Variants in CKAP2L observed in about 807,000 individuals in gnomAD.
CKAP2L encodes the protein cytoskeleton associated protein 2L.
Under a neutral mutation model 65.7 loss-of-function variants are expected in CKAP2L, and 42 were observed. The observed-to-expected ratio is 0.64, with a 90% CI of 0.50 to 0.83. CKAP2L has a LOEUF of 0.83. CKAP2L is among the 40% of genes least tolerant of loss of function. CKAP2L has a pLI of 0.00. For missense variants in CKAP2L, 908 were observed against 871.0 expected (o/e 1.04, Z -0.53); for synonymous variants, 325 against 313.5 (o/e 1.04, Z -0.39).
At position 112,736,893 on chromosome 2, in the gene CKAP2L, C is replaced by T. The variant is rs1364736529; in HGVS notation, c.*1930G>A. The stretch of plus-strand genomic sequence containing the variant: ...CTATTGAGAATAACACTGCCACAAA[C>T]ATGTGAGTGCAGATATCTTTATGAG... On this transcript the variant is annotated 3_prime_UTR_variant, in exon 9 of 9. Coordinates refer to ENST00000302450, the MANE Select transcript of CKAP2L (RefSeq NM_152515.5). 6.6e-6 allele frequency: 1 copy of T among 152,056 alleles called. No homozygotes were observed. The highest frequency in any genetic ancestry group is 2.4e-5 in the African/African-American group (1 of 41,392). 9.4% of individuals were successfully genotyped at this position (152,056 alleles called of 1,614,324 possible).
intron 5 of CKAP2L, among the ~76,000 whole-genome samples, chr2:112,749,309 T>C (rs965515923): frequency 2.6e-5 from 4 of 152,158 alleles, no homozygotes; most frequent in Non-Finnish European, 5.9e-5. Context: ...AAGCAAGTCA[T>C]GAATCTTTCT....
At chr2:112,747,080 T>C (rs1186239221) in intron 5 of CKAP2L, among the ~76,000 whole-genome samples, 1 of 142,092 alleles carries the variant, frequency 7.0e-6, no homozygotes, top group Non-Finnish European at 1.5e-5. Flanking sequence ...TGAGCCACCA[T>C]GCCTGGCTTA....
Position 112,764,601 on chromosome 2 carries a change from C to G in CKAP2L, c.-3G>C. ...GCGGTAGGCCCGGGCCCCACCATGA[C>G]TCTTCAGTGACAGTTTTTCTTCAAA... is the stretch of plus-strand genomic sequence containing the variant. On this transcript the variant is annotated 5_prime_UTR_variant, in exon 1 of 9. Transcript: ENST00000302450. 3 of 1,614,226 alleles carry G rather than the reference C, an allele frequency of 1.9e-6. No homozygotes were observed. Among genetic ancestry groups the G allele is most frequent in the Non-Finnish European group, 2.5e-6 (3 of 1,180,020 alleles).
intron 6 of CKAP2L, among the ~76,000 whole-genome samples, chr2:112,743,340 T>C (rs1473388654): frequency 5.9e-5 from 9 of 152,034 alleles, no homozygotes; most frequent in Admixed American, 5.9e-4. Context: ...GATGGGGTTT[T>C]ACCGTGTTAG....
intron 2 of CKAP2L, among the ~76,000 whole-genome samples, 185 bp downstream of exon 2, chr2:112,762,318 A>T (rs1249905995): frequency 6.6e-6 from 1 of 152,252 alleles, no homozygotes; most frequent in Non-Finnish European, 1.5e-5. Context: ...AAGCTTTGCC[A>T]ATGGACTAAG....
At chr2:112,759,424 T>C (rs952486142) in intron 3 of CKAP2L, among the ~76,000 whole-genome samples, 2 of 152,244 alleles carry the variant, frequency 1.3e-5, no homozygotes, top group African/African-American at 4.8e-5. Flanking sequence ...ATCGTGCTTT[T>C]AGTTTCTCCT....
chr2:112,755,485 G>A (rs1680501732), intron 4 of CKAP2L, among the ~76,000 whole-genome samples: 2 of 152,046 alleles, frequency 1.3e-5, no homozygotes, highest in African/African-American at 4.8e-5. Context: ...TGAACTGACT[G>A]CTCCTGCTTG....
chr2:112,750,986 T>C (rs953049672), intron 5 of CKAP2L, among the ~76,000 whole-genome samples: 3 of 152,034 alleles, frequency 2.0e-5, no homozygotes, highest in Non-Finnish European at 4.4e-5. Flanking sequence ...TTTAAAAAGA[T>C]TGAGAAAAAA....
intron 3 of CKAP2L, 147 bp downstream of exon 3, chr2:112,760,566 G>T: frequency 2.0e-6 from 1 of 504,460 alleles, no homozygotes; most frequent in Non-Finnish European, 3.5e-6. Context: ...TTCAAAAAAT[G>T]ATTGTCTCTT....
intron 6 of CKAP2L, among the ~76,000 whole-genome samples, chr2:112,745,739 T>C (rs1680182318): frequency 6.6e-6 from 1 of 152,138 alleles, no homozygotes; most frequent in Non-Finnish European, 1.5e-5. Context: ...AGAATTTCCA[T>C]GACTCTAATG....
At chr2:112,740,373 A>G (rs17042312) in intron 8 of CKAP2L, among the ~76,000 whole-genome samples, 4,985 of 152,310 alleles carry the variant, frequency 0.033, 275 homozygotes, top group African/African-American at 0.11. Flanking sequence ...GCCCTGACAT[A>G]GCTCCTTAAA....
intron 3 of CKAP2L, among the ~76,000 whole-genome samples, chr2:112,758,342 T>C (rs1435769844): frequency 2.0e-5 from 3 of 152,232 alleles, no homozygotes; most frequent in Non-Finnish European, 4.4e-5. Context: ...CAGAGATTTA[T>C]GGAATATGTT....
chr2:112,752,076 T>G (rs181908947), intron 5 of CKAP2L, among the ~76,000 whole-genome samples, 191 bp downstream of exon 5: 18 of 152,336 alleles, frequency 1.2e-4, no homozygotes, highest in African/African-American at 4.3e-4. Context: ...CTTAGCTAAG[T>G]GCTTATAAAA....
chr2:112,751,541 T>C (rs1680373421), intron 5 of CKAP2L, among the ~76,000 whole-genome samples: 1 of 152,154 alleles, frequency 6.6e-6, no homozygotes, highest in Non-Finnish European at 1.5e-5. Context: ...AAAAAGAGGA[T>C]AAGAAAAAGA....
At position 112,754,418 on chromosome 2, in the gene CKAP2L, G is replaced by A. The variant is rs559098143; in HGVS notation, c.1394+1559C>T. The stretch of plus-strand genomic sequence containing the variant: ...TTGATGATACAAGGTGAGACATTTG[G>A]CATGTGCTTCCTCCATGTTCCTAGC... On this transcript the variant is annotated intron_variant, in intron 4 of 8. Coordinates refer to ENST00000302450, the MANE Select transcript of CKAP2L (RefSeq NM_152515.5). Among the ~76,000 whole-genome samples, 8 of 152,272 alleles carry A rather than the reference G, an allele frequency of 5.3e-5. No homozygotes were observed. In the South Asian group the frequency reaches 1.7e-3, roughly 32 times the overall value.
At chr2:112,750,009 G>T (rs1375938909) in intron 5 of CKAP2L, among the ~76,000 whole-genome samples, 2 of 152,152 alleles carry the variant, frequency 1.3e-5, no homozygotes, top group African/African-American at 4.8e-5. Context: ...CTTCAGAGCA[G>T]AAGCACCAAA....
At chr2:112,759,502 T>C (rs780914322) in intron 3 of CKAP2L, among the ~76,000 whole-genome samples, 1 of 152,192 alleles carries the variant, frequency 6.6e-6, no homozygotes, top group Admixed American at 6.5e-5. Flanking sequence ...ATAAGGTAGG[T>C]ATCATCCTCA....
intron 4 of CKAP2L, 55 bp downstream of exon 4, chr2:112,755,922 G>A: frequency 1.3e-6 from 2 of 1,487,714 alleles, no homozygotes; most frequent in Non-Finnish European, 1.8e-6. Flanking sequence ...TCTTCTTGAT[G>A]GTCAATTTGC....
At chr2:112,760,176 C>T (rs1391405271) in intron 3 of CKAP2L, among the ~76,000 whole-genome samples, 1 of 152,134 alleles carries the variant, frequency 6.6e-6, no homozygotes, top group Non-Finnish European at 1.5e-5. Flanking sequence ...TCTAATGTAG[C>T]TAAATTAAAT....
Sources: allele counts gnomAD v4.1 joint callset (sites outside exome capture counted in the v4.1 genomes callset), GRCh38; gene constraint gnomAD v4.1.1; transcripts MANE v1.5; gene names NCBI Gene and HGNC (gene_info 2026-07-23, HGNC 2026-07-21).